Variants in KMT2C observed in about 807,000 individuals in gnomAD.
KMT2C encodes histone-lysine N-methyltransferase 2C.
A neutral mutation model predicts 507.9 loss-of-function variants in KMT2C; 88 were observed. The observed-to-expected ratio is 0.17, with a 90% CI of 0.15 to 0.21. The LOEUF is 0.21. Among genes scored for constraint, KMT2C ranks in the 10% least tolerant of loss-of-function variants. KMT2C has a pLI of 1.00. For synonymous variants in KMT2C, 2,049 were observed against 2,080.8 expected, an observed-to-expected ratio of 0.98 and a Z score of 0.42; for missense variants, 4,954 against 5,957.8, an observed-to-expected ratio of 0.83 and a Z score of 5.55.
chr7:152,370,145 G>C (rs573112142), intron 1 of KMT2C, among the ~76,000 whole-genome samples: 1 of 149,134 alleles, frequency 6.7e-6, no homozygotes, highest in Non-Finnish European at 1.5e-5. Context: ...AGTGAGCCGA[G>C]ATCACACAAC....
rs1589358263 is a variant in KMT2C at position 152,348,687 on chromosome 7, G to A, written c.250+9900C>T. 2.6e-5 allele frequency among the ~76,000 whole-genome samples: 4 copies of A among 151,104 alleles called. 1 individual carries two copies. In the East Asian group the frequency reaches 5.8e-4, roughly 22 times the overall value. ...ACCTCACCAATAAACATAAACAGATGGGCAGATAAGCATATGAACAGATGT... is the reference window on the plus strand; with the variant it reads ...ACCTCACCAATAAACATAAACAGATAGGCAGATAAGCATATGAACAGATGT... On this transcript the variant is annotated intron_variant, in intron 2 of 58. Transcript: ENST00000262189.
In KMT2C at chr7:152,241,810, T is replaced by C. The variant is rs183763341; in HGVS notation, c.2533-2984A>G. On this transcript the variant is annotated intron_variant, in intron 14 of 58. Transcript: ENST00000262189. Reference sequence around the variant, plus strand: ...GTTCTCAAAAATATGAGACAGAAAGTCGTACTCTAAGATAAAAATAATGTT... The same window carrying C: ...GTTCTCAAAAATATGAGACAGAAAGCCGTACTCTAAGATAAAAATAATGTT... Among the ~76,000 whole-genome samples the C allele has an allele frequency of 1.4e-4, 22 of 152,300 alleles. No homozygotes were observed. In the East Asian group the frequency reaches 4.2e-3, roughly 29 times the overall value.
intron 1 of KMT2C, among the ~76,000 whole-genome samples, chr7:152,373,037 G>A (rs1280272739): frequency 6.6e-6 from 1 of 152,024 alleles, no homozygotes; most frequent in African/African-American, 2.4e-5. Flanking sequence ...TATGAAACTA[G>A]AAATCAATGA....
chr7:152,147,977 A>G (rs2091306951), intron 52 of KMT2C, 56 bp downstream of exon 52: 1 of 1,481,660 alleles, frequency 6.7e-7, no homozygotes, highest in Non-Finnish European at 9.0e-7. Context: ...AAATACATTC[A>G]TTAGCCTGAC....
intron 6 of KMT2C, among the ~76,000 whole-genome samples, chr7:152,299,045 C>T (rs1182148654): frequency 6.6e-6 from 1 of 152,064 alleles, no homozygotes; most frequent in Non-Finnish European, 1.5e-5. Flanking sequence ...GTAGGCTGGG[C>T]ACGGTGGCTC....
At chr7:152,399,412 G>T (rs953317065) in intron 1 of KMT2C, among the ~76,000 whole-genome samples, 3 of 152,064 alleles carry the variant, frequency 2.0e-5, no homozygotes, top group African/African-American at 2.4e-5. Flanking sequence ...AATGGAAAGA[G>T]ATCTCTTCTA....
chr7:152,236,197 C>G (rs2095270230), intron 15 of KMT2C, among the ~76,000 whole-genome samples: 1 of 152,284 alleles, frequency 6.6e-6, no homozygotes, highest in South Asian at 2.1e-4. Flanking sequence ...TGATTTTTCT[C>G]TTTCCCACTC....
intron 1 of KMT2C, among the ~76,000 whole-genome samples, chr7:152,422,433 G>A (rs1006703574): frequency 2.0e-5 from 3 of 151,538 alleles, no homozygotes; most frequent in African/African-American, 4.9e-5. Flanking sequence ...CCAGCCACGC[G>A]ACAGAGCAAG....
At chr7:152,307,259 A>ACGGT (rs1321626611) in intron 6 of KMT2C, among the ~76,000 whole-genome samples, 29 of 120,428 alleles carry the variant, frequency 2.4e-4, no homozygotes, top group South Asian at 2.1e-3. Context: ...GGACGGTAGG[A>ACGGT]AGGAAGGAAG....
chr7:152,182,056 G>A lies in KMT2C; in HGVS notation c.5804C>T (p.Pro1935Leu). The A allele has an allele frequency of 1.2e-6, 2 of 1,614,110 alleles. No individual in the cohort carries two copies. Among genetic ancestry groups the A allele is most frequent in the Non-Finnish European group, 1.7e-6 (2 of 1,180,008 alleles). ...NCTPLSSVSR[P>L]LQMNETTANR... ...TGCTGTTGTCTCATTCATTTGAAGG[G>A]GCCTAGATACCGATGATAAAGGTGT... Residue 1935 changes from proline (P) to leucine (L), a missense_variant, in exon 36 of 59, where the codon CCC becomes CTC. Pro to Leu is a moderately conservative substitution (Grantham distance 98). Around this residue, in one of 29 missense-constraint regions of KMT2C, gnomAD observed 1,689 missense variants for 1,654.3 expected, o/e 1.02. Coordinates refer to ENST00000262189, the MANE Select transcript of KMT2C (RefSeq NM_170606.3).
chr7:152,274,742 A>T (rs1411603126), intron 6 of KMT2C, among the ~76,000 whole-genome samples: 1 of 152,088 alleles, frequency 6.6e-6, no homozygotes, highest in Non-Finnish European at 1.5e-5. Context: ...ATCTAACATA[A>T]ATTTTTGTTT....
At chr7:152,317,112 C>T (rs1165432292) in intron 3 of KMT2C, among the ~76,000 whole-genome samples, 1 of 152,064 alleles carries the variant, frequency 6.6e-6, no homozygotes, top group Non-Finnish European at 1.5e-5. Flanking sequence ...CAGAAAAATA[C>T]CTTAGCATTC....
chr7:152,358,104 AC>A (rs2097167129), intron 2 of KMT2C, among the ~76,000 whole-genome samples: 2 of 152,352 alleles, frequency 1.3e-5, no homozygotes, highest in South Asian at 4.1e-4. Context: ...TTGCAGATGC[AC>A]AACATACAGC....
Position 152,224,324 on chromosome 7 carries a change from A to T in KMT2C, c.3158+111T>A, listed in dbSNP as rs139662292. On this transcript the variant is annotated intron_variant, in intron 19 of 58. Transcript: ENST00000262189. ...TTTTCTGATTACTGGTATCTATCAT[A>T]GAATATGTGTATTATTCAATTAAAT... 7 of 1,277,206 alleles carry T rather than the reference A, an allele frequency of 5.5e-6. No individual in the cohort carries two copies. The African/African-American group carries it at 8.9e-5, about 16-fold the overall frequency. 79.1% of individuals were successfully genotyped at this position (1,277,206 alleles called of 1,614,324 possible). A position where few individuals can be genotyped will look rare whatever the true frequency, so the allele number is the denominator to read the frequency against.
intron 23 of KMT2C, among the ~76,000 whole-genome samples, chr7:152,210,887 T>A (rs1262228007): frequency 6.6e-6 from 1 of 151,954 alleles, no homozygotes; most frequent in African/African-American, 2.4e-5. Context: ...AATAAGGACA[T>A]GAATTGGAAA....
At chr7:152,255,780 T>C (rs923017137) in intron 9 of KMT2C, among the ~76,000 whole-genome samples, 6 of 152,224 alleles carry the variant, frequency 3.9e-5, no homozygotes, top group African/African-American at 1.4e-4. Context: ...TTTTAATGAA[T>C]GGTTTTTAGA....
At chr7:152,149,256 T>A in intron 51 of KMT2C, 104 bp from the exon 52 acceptor site, 1 of 1,100,048 alleles carries the variant, frequency 9.1e-7, no homozygotes, top group South Asian at 2.6e-5. Flanking sequence ...AGAGGATGGG[T>A]GACCTGAGGG....
At chr7:152,171,591 G>A (rs1424743108) in intron 39 of KMT2C, among the ~76,000 whole-genome samples, 11 of 152,116 alleles carry the variant, frequency 7.2e-5, no homozygotes, top group African/African-American at 1.7e-4. Context: ...GAGATATTCC[G>A]TAACCTTCCC....
rs150416091 is a variant in KMT2C at position 152,148,295 on chromosome 7, C to T, written c.13632G>A (p.Arg4544=). ...GGCTACCCACGCGAAAGGTATGGTC[C>T]CGTTCTCCTCGTTGCACGATGCTAG... The part of the protein sequence containing the change: ...QIASIVQRGE[R]DHTFRVGSLI... Residue 4544 remains arginine, a synonymous_variant, in exon 52 of 59, where the codon CGG becomes CGA. Coordinates refer to ENST00000262189, the MANE Select transcript of KMT2C (RefSeq NM_170606.3). This position sits in a 1 kb window ranked among gnomAD's most constrained non-coding sequence, Gnocchi z 7.1. 1.2e-6 allele frequency: 2 copies of T among 1,614,214 alleles called. No homozygotes were observed. Among genetic ancestry groups the T allele is most frequent in the Non-Finnish European group, 8.5e-7 (1 of 1,180,044 alleles).
Sources: gnomAD v4.1 joint callset for allele counts (sites outside exome capture counted in the v4.1 genomes callset) on GRCh38, gnomAD v4.1.1 for gene constraint, gnomAD v4.1.1 regional missense constraint, Gnocchi (gnomAD v3.1) non-coding constraint, MANE v1.5 for transcripts, NCBI Gene and HGNC (gene_info 2026-07-23, HGNC 2026-07-21) for gene names.